PCDHA9: variants seen among roughly 807,000 people sequenced by gnomAD.
PCDHA9 encodes protocadherin alpha 9, also known as protocadherin alpha-9.
PCDHA9 carries 62 observed loss-of-function variants against 62.0 expected under a neutral mutation model. That is an observed-to-expected ratio of 1.00 (90% CI 0.81 to 1.23). The LOEUF is 1.23. Among genes scored for constraint, PCDHA9 ranks in the 50% most tolerant of loss-of-function variants. The pLI is 0.00. For missense variants in PCDHA9, 1,205 were observed against 1,249.8 expected (o/e 0.96, Z 0.54); for synonymous variants, 557 against 567.6 (o/e 0.98, Z 0.27).
intron 3 of PCDHA9, among the ~76,000 whole-genome samples, chr5:141,008,708 T>G (rs1197464501): frequency 1.3e-5 from 2 of 152,210 alleles, no homozygotes; most frequent in African/African-American, 4.8e-5. Flanking sequence ...GGTTTCTAGT[T>G]GCTTGAGTGT....
chr5:140,857,393 G>T, intron 1 of PCDHA9: 1 of 1,598,492 alleles, frequency 6.3e-7, no homozygotes, highest in South Asian at 1.1e-5. Context: ...CGACGTGAAC[G>T]ACAACGCGCC....
rs1554144804 is a variant in PCDHA9, at chr5:140,850,700, C to G, written c.2205C>G (p.Gly735=). 17 of 1,597,908 alleles carry G rather than the reference C, an allele frequency of 1.1e-5. 1 individual carries two copies. The highest frequency in any genetic ancestry group is 1.7e-5 in the Admixed American group (1 of 59,228). ...CCACCGAGGGCGAGTGCGCGCCTGG[C>G]AAGCCGACGCTGGTGTGTTCTAGCG... ...AMPTEGECAP[G]KPTLVCSSAV... is the part of the protein sequence containing the mutation. Residue 735 remains glycine, a synonymous_variant, in exon 1 of 4, where the codon GGC becomes GGG. Transcript: ENST00000532602.
intron 3 of PCDHA9, among the ~76,000 whole-genome samples, chr5:140,986,222 G>A (rs1554247822): frequency 1.3e-5 from 2 of 152,164 alleles, no homozygotes; most frequent in African/African-American, 4.8e-5. Flanking sequence ...CCTTTCTCTA[G>A]CCTCCCCTCT....
Position 140,868,861 on chromosome 5 carries a change from T to G in PCDHA9, c.2394+17972T>G, listed in dbSNP as rs539900578. The G allele has an allele frequency of 3.6e-3, 1,881 of 525,394 alleles. 11 individuals carry two copies. Among genetic ancestry groups the G allele is most frequent in the Non-Finnish European group, 4.6e-3 (1,438 of 315,638 alleles). 32.5% of individuals were successfully genotyped at this position (525,394 alleles called of 1,614,324 possible). On this transcript the variant is annotated intron_variant, in intron 1 of 3. Coordinates refer to ENST00000532602, the MANE Select transcript of PCDHA9 (RefSeq NM_031857.2). ...ACACGTGAAATTCTGTGGTGGTAAA[T>G]GCAGTGCACAGTACTCACAGTTTTA...
intron 1 of PCDHA9, among the ~76,000 whole-genome samples, chr5:140,971,183 G>C (rs1471489236): frequency 1.3e-5 from 2 of 152,170 alleles, no homozygotes; most frequent in African/African-American, 4.8e-5. Flanking sequence ...CTGTAAGCCG[G>C]AAGCTCAGAG....
chr5:140,988,038 T>C (rs1045669411), intron 3 of PCDHA9, among the ~76,000 whole-genome samples: 1 of 152,212 alleles, frequency 6.6e-6, no homozygotes, highest in African/African-American at 2.4e-5. Flanking sequence ...TTTTAGAATC[T>C]GTTTAGGAGC....
intron 1 of PCDHA9, chr5:140,966,731 G>A: frequency 7.1e-7 from 1 of 1,405,136 alleles, no homozygotes; most frequent in Non-Finnish European, 9.2e-7. Context: ...TGCCGCCTCC[G>A]GCCCTGCCCG....
chr5:140,972,316 G>GTT (rs112435719), intron 1 of PCDHA9, among the ~76,000 whole-genome samples: 1 of 139,858 alleles, frequency 7.2e-6, no homozygotes, highest in Non-Finnish European at 1.6e-5. Flanking sequence ...GTTTTTAGGT[G>GTT]TTTTTTTTTT....
At chr5:140,869,790 A>G (rs782009264) in intron 1 of PCDHA9, 4 of 1,612,954 alleles carry the variant, frequency 2.5e-6, no homozygotes, top group African/African-American at 1.3e-5. Context: ...TTCGGCTGTT[A>G]GTCCAAGTCT....
intron 1 of PCDHA9, chr5:140,856,967 A>G (rs782128989): frequency 1.3e-6 from 2 of 1,593,606 alleles, no homozygotes; most frequent in Non-Finnish European, 1.7e-6. Context: ...AAATGATGCT[A>G]TTGACTTTGA....
intron 1 of PCDHA9, chr5:140,966,616 G>A: frequency 1.3e-6 from 1 of 788,372 alleles, no homozygotes; most frequent in South Asian, 2.7e-5. Context: ...AGGGCCTACG[G>A]AGGGAGCGGC....
intron 1 of PCDHA9, chr5:140,862,841 C>A (rs782790470): frequency 7.0e-5 from 40 of 573,022 alleles, no homozygotes; most frequent in South Asian, 4.5e-4. Flanking sequence ...GCGGGCATGC[C>A]GCCTCTGAGC....
chr5:140,948,017 T>TTTTCC (rs1351599974), intron 1 of PCDHA9, among the ~76,000 whole-genome samples: 1 of 151,262 alleles, frequency 6.6e-6, no homozygotes, highest in African/African-American at 2.4e-5. Flanking sequence ...GGAAGTACCC[T>TTTTCC]TTCTGGTTTG....
At position 140,971,106 on chromosome 5, in the gene PCDHA9, G is replaced by T. The variant is rs529915701; in HGVS notation, c.2395-7843G>T. Among the ~76,000 whole-genome samples, 46 of 152,304 alleles carry T rather than the reference G, an allele frequency of 3.0e-4. No homozygotes were observed. In the South Asian group the frequency reaches 4.1e-3, roughly 14 times the overall value. ...AACAAATTCTTGTGAAGCCCTTTGG[G>T]ATTGGGGTGGGCTACAGGTGGTGAA... is the stretch of plus-strand genomic sequence containing the variant. On this transcript the variant is annotated intron_variant, in intron 1 of 3. Transcript: ENST00000532602.
chr5:140,886,689 G>C (rs1267444522), intron 1 of PCDHA9, among the ~76,000 whole-genome samples: 5 of 152,022 alleles, frequency 3.3e-5, no homozygotes, highest in African/African-American at 1.2e-4. Flanking sequence ...AGCGAGGCAT[G>C]GTGGCACGCG....
At chr5:140,985,065 G>A (rs189493508) in intron 3 of PCDHA9, among the ~76,000 whole-genome samples, 45 of 152,190 alleles carry the variant, frequency 3.0e-4, no homozygotes, top group Admixed American at 5.2e-4. Context: ...AGCCTCCTGA[G>A]TAGCTGAGAC....
chr5:140,911,979 A>G (rs1583809781), intron 1 of PCDHA9, among the ~76,000 whole-genome samples: 2 of 152,328 alleles, frequency 1.3e-5, no homozygotes, highest in African/African-American at 4.8e-5. Flanking sequence ...AACTCACATG[A>G]TCACAAGGTC....
intron 1 of PCDHA9, among the ~76,000 whole-genome samples, chr5:140,910,668 C>G (rs2075124281): frequency 6.6e-6 from 1 of 152,172 alleles, no homozygotes; most frequent in Admixed American, 6.5e-5. Flanking sequence ...TACATTAAAC[C>G]AAGGGAGATC....
rs199976895 is a variant in PCDHA9 at position 140,968,276 on chromosome 5, G to T, written c.2395-10673G>T. The T allele has an allele frequency of 9.2e-5, 148 of 1,613,952 alleles. No homozygotes were observed. Among genetic ancestry groups the T allele is most frequent in the Admixed American group, 5.5e-4 (33 of 60,008 alleles). On this transcript the variant is annotated intron_variant, in intron 1 of 3. Transcript: ENST00000532602. ...CCCAGATGAAAAGGAGAATGCAGAGGTGACCTACTCCCTTCTGGAGAGGGA... is the reference window on the plus strand; with the variant it reads ...CCCAGATGAAAAGGAGAATGCAGAGTTGACCTACTCCCTTCTGGAGAGGGA...
Sources: allele counts gnomAD v4.1 joint callset (sites outside exome capture counted in the v4.1 genomes callset), GRCh38; gene constraint gnomAD v4.1.1; transcripts MANE v1.5; gene names NCBI Gene and HGNC (gene_info 2026-07-23, HGNC 2026-07-21).